The following GNA12 variants were observed in gnomAD, a reference collection of about 807,000 sequenced individuals.
The protein encoded by GNA12 is G protein subunit alpha 12.
In GNA12, 9 loss-of-function variants were observed where a neutral mutation model predicts 26.0. The observed-to-expected ratio is 0.35, with a 90% confidence interval of 0.21 to 0.60. The LOEUF (loss-of-function observed/expected upper bound fraction) is 0.60. GNA12 is among the 20% of genes least tolerant of loss of function. The pLI, the probability that GNA12 is intolerant of heterozygous loss-of-function variation, is 0.78. For synonymous variants in GNA12, 264 were observed against 219.6 expected (o/e 1.20, Z -1.79); for missense variants, 405 against 525.8 (o/e 0.77, Z 2.25).
intron 2 of GNA12, among the ~76,000 whole-genome samples, chr7:2,739,303 C>T (rs2115319922): frequency 6.6e-6 from 1 of 152,314 alleles, no homozygotes; most frequent in Non-Finnish European, 1.5e-5. Context: ...CTGGCCCAGA[C>T]CCTGACAACA....
chr7:2,766,361 T>C (rs911216079), intron 2 of GNA12, among the ~76,000 whole-genome samples: 3 of 151,784 alleles, frequency 2.0e-5, no homozygotes, highest in African/African-American at 7.2e-5. Flanking sequence ...TGTTCATCCA[T>C]TGATGAACAT....
chr7:2,780,222 G>C lies in GNA12; in HGVS notation c.525+14706C>G, dbSNP rs971805774. ...TCTCTCTCAGCTTTTCTAACCGCTG[G>C]ACAATATTCTATCACATGGTCAGTA... On this transcript the variant is annotated intron_variant, in intron 2 of 3. Coordinates refer to ENST00000275364, the MANE Select transcript of GNA12 (RefSeq NM_007353.3). Among the ~76,000 whole-genome samples, 17 of 151,394 alleles carry C rather than the reference G, an allele frequency of 1.1e-4. No homozygotes were observed. The South Asian group carries it at 3.6e-3, about 32-fold the overall frequency.
At chr7:2,778,478 A>C (rs1353256727) in intron 2 of GNA12, among the ~76,000 whole-genome samples, 1 of 152,176 alleles carries the variant, frequency 6.6e-6, no homozygotes, top group Non-Finnish European at 1.5e-5. Context: ...CACTCACACC[A>C]ACAGCTCCCT....
At chr7:2,799,848 C>T (rs1562434997) in intron 1 of GNA12, among the ~76,000 whole-genome samples, 1 of 152,006 alleles carries the variant, frequency 6.6e-6, no homozygotes, top group Non-Finnish European at 1.5e-5. Flanking sequence ...GCTAAAAAAC[C>T]AACCACCAAA....
chr7:2,762,518 C>T, intron 2 of GNA12: 1 of 1,064,728 alleles, frequency 9.4e-7, no homozygotes, highest in Non-Finnish European at 1.3e-6. Flanking sequence ...CTGTGGACTA[C>T]AAAAGCAGTT....
At position 2,815,950 on chromosome 7, in the gene GNA12, T is replaced by C. The variant is rs147733171; in HGVS notation, c.310-20807A>G. ...TTAATAGCCTTGCTGAGACTTTCCA[T>C]GAGAAGCAATGGTTGACAGCCCCTG... On this transcript the variant is annotated intron_variant, in intron 1 of 3. Coordinates refer to ENST00000275364, the MANE Select transcript of GNA12 (RefSeq NM_007353.3). Among the ~76,000 whole-genome samples the C allele has an allele frequency of 1.1e-4, 17 of 152,338 alleles. 1 individual carries two copies. Among genetic ancestry groups the C allele is most frequent in the South Asian group, 4.1e-4 (2 of 4,828 alleles).
intron 2 of GNA12, among the ~76,000 whole-genome samples, chr7:2,742,583 G>C (rs1280280482): frequency 6.6e-6 from 1 of 152,154 alleles, no homozygotes; most frequent in Non-Finnish European, 1.5e-5. Context: ...AGTGAAGAAA[G>C]CACTGAGTCT....
intron 1 of GNA12, among the ~76,000 whole-genome samples, chr7:2,821,754 A>G (rs1019034293): frequency 6.6e-6 from 1 of 152,236 alleles, no homozygotes; most frequent in African/African-American, 2.4e-5. Context: ...AGTTGCCAGG[A>G]AACATGAGGT....
chr7:2,744,414 G>A (rs1436869594), intron 2 of GNA12, among the ~76,000 whole-genome samples: 2 of 152,216 alleles, frequency 1.3e-5, no homozygotes, highest in Non-Finnish European at 2.9e-5. Context: ...AACAGGGTCT[G>A]GAGTGGACCT....
chr7:2,842,903 G>T (rs556453008), intron 1 of GNA12, among the ~76,000 whole-genome samples: 24 of 152,334 alleles, frequency 1.6e-4, no homozygotes, highest in African/African-American at 5.5e-4. Context: ...GGGCACAGGT[G>T]AATAGGATTG....
intron 2 of GNA12, among the ~76,000 whole-genome samples, chr7:2,769,488 T>C (rs1264699989): frequency 6.6e-6 from 1 of 151,578 alleles, no homozygotes; most frequent in Non-Finnish European, 1.5e-5. Context: ...CCCAGCACTT[T>C]GGGAGGCCGA....
chr7:2,777,801 A>T (rs917664779), intron 2 of GNA12, among the ~76,000 whole-genome samples: 2 of 152,246 alleles, frequency 1.3e-5, no homozygotes, highest in African/African-American at 4.8e-5. Flanking sequence ...GACAGAAAAC[A>T]TGATGAAAAT....
chr7:2,755,936 A>T (rs550957215), intron 2 of GNA12, among the ~76,000 whole-genome samples: 1 of 152,354 alleles, frequency 6.6e-6, no homozygotes, highest in South Asian at 2.1e-4. Context: ...TACAAATCCC[A>T]GCAGGCATTT....
chr7:2,788,029 C>T (rs879855851), intron 2 of GNA12, among the ~76,000 whole-genome samples: 6 of 152,126 alleles, frequency 3.9e-5, no homozygotes, highest in Non-Finnish European at 8.8e-5. Context: ...GTGGCAGGCG[C>T]CTGTAATCCC....
intron 1 of GNA12, among the ~76,000 whole-genome samples, chr7:2,826,533 C>T (rs1046959053): frequency 6.6e-6 from 1 of 152,160 alleles, no homozygotes; most frequent in African/African-American, 2.4e-5. Flanking sequence ...ACTTAGGAGT[C>T]ACCAAAATGT....
In GNA12 at chr7:2,731,506, A is replaced by G. The variant is rs1789893724; in HGVS notation, c.821T>C (p.Met274Thr). ...DRRTNRLVES[M>T]NIFETIVNNK... is the part of the protein sequence containing the mutation. The stretch of plus-strand genomic sequence containing the variant: ...GTTGACGATGGTCTCGAAGATGTTC[A>G]TGGACTCCACCAGCCGGTTGGTGCG... Residue 274 changes from methionine (M) to threonine (T), a missense_variant, in exon 4 of 4, where the codon ATG becomes ACG. Coordinates refer to ENST00000275364, the MANE Select transcript of GNA12 (RefSeq NM_007353.3). The surrounding 1 kb of genome is among the most constrained non-coding windows in gnomAD (Gnocchi z 6.0). The G allele has an allele frequency of 6.2e-7, 1 of 1,613,410 alleles. No individual in the cohort carries two copies. The highest frequency in any genetic ancestry group is 8.5e-7 in the Non-Finnish European group (1 of 1,179,646).
intron 1 of GNA12, 116 bp downstream of exon 1, chr7:2,843,737 C>T (rs1779077429): frequency 4.2e-6 from 2 of 471,938 alleles, no homozygotes; most frequent in African/African-American, 2.1e-5. Context: ...GGGCTGGATC[C>T]AGCATCCTCG....
chr7:2,750,113 G>T (rs1219571020), intron 2 of GNA12, among the ~76,000 whole-genome samples: 1 of 152,162 alleles, frequency 6.6e-6, no homozygotes, highest in African/African-American at 2.4e-5. Context: ...ACACACTTCT[G>T]AATAATCCAC....
At position 2,736,849 on chromosome 7, in the gene GNA12, C is replaced by G. The variant is rs573627105; in HGVS notation, c.526-3348G>C. 2.6e-5 allele frequency among the ~76,000 whole-genome samples: 4 copies of G among 152,376 alleles called. No homozygotes were observed. The South Asian group carries it at 8.3e-4, about 32-fold the overall frequency. On this transcript the variant is annotated intron_variant, in intron 2 of 3. Transcript: ENST00000275364. ...ACACAGCAAGCTGCCCCTTCACAGA[C>G]CCCTGCTGGCCTCACGCACTTCCTT...
Sources: allele counts gnomAD v4.1 joint callset (sites outside exome capture counted in the v4.1 genomes callset), GRCh38; gene constraint gnomAD v4.1.1; non-coding constraint Gnocchi (gnomAD v3.1); transcripts MANE v1.5; gene names NCBI Gene and HGNC (gene_info 2026-07-23, HGNC 2026-07-21).